The following TUSC3 variants were observed in gnomAD, a reference collection of about 807,000 sequenced individuals.
TUSC3 encodes dolichyl-diphosphooligosaccharide--protein glycosyltransferase subunit TUSC3.
In TUSC3, 45 loss-of-function variants were observed where a neutral mutation model predicts 44.8. The observed-to-expected ratio is 1.00, with a 90% CI of 0.79 to 1.29. The LOEUF (loss-of-function observed/expected upper bound fraction) is 1.29, where lower values mean the gene tolerates loss of function less well. Among genes scored for constraint, TUSC3 ranks in the 50% most tolerant of loss-of-function variants. The pLI is 0.00. For missense variants in TUSC3, 519 were observed against 437.9 expected (o/e 1.19, Z -1.65); for synonymous variants, 212 against 152.9 (o/e 1.39, Z -2.85).
intron 1 of TUSC3, among the ~76,000 whole-genome samples, chr8:15,420,759 C>T (rs570797864): frequency 2.2e-4 from 33 of 152,202 alleles, no homozygotes; most frequent in Admixed American, 2.0e-4. Context: ...CAGTGGTGTT[C>T]CCTGTCTCTT....
the TUSC3 span, among the ~76,000 whole-genome samples, chr8:15,793,822 C>G: frequency 6.6e-6 from 1 of 152,156 alleles, no homozygotes; most frequent in African/African-American, 2.4e-5. Context: ...TGAATGCATG[C>G]AAGCATAACT....
At chr8:15,688,158 G>A (rs1230576221) in intron 6 of TUSC3, among the ~76,000 whole-genome samples, 3 of 151,814 alleles carry the variant, frequency 2.0e-5, no homozygotes, top group Non-Finnish European at 4.4e-5. Flanking sequence ...AAAAACCAAA[G>A]ATATTATTTT....
chr8:15,699,874 G>A (rs763392269), intron 6 of TUSC3, among the ~76,000 whole-genome samples: 4 of 152,132 alleles, frequency 2.6e-5, no homozygotes, highest in African/African-American at 4.8e-5. Flanking sequence ...AAGTGCTATA[G>A]AAGGAAGAAT....
intron 3 of TUSC3, among the ~76,000 whole-genome samples, chr8:15,657,367 C>A (rs1807220377): frequency 6.6e-6 from 1 of 152,194 alleles, no homozygotes; most frequent in African/African-American, 2.4e-5. Context: ...GATATCTCTT[C>A]TGCCAGATAT....
chr8:15,496,691 G>A (rs1800884768), intron 2 of TUSC3, among the ~76,000 whole-genome samples: 2 of 152,150 alleles, frequency 1.3e-5, no homozygotes, highest in Admixed American at 1.3e-4. Flanking sequence ...TGTCTTGGAT[G>A]GAAGAAGCAT....
intron 1 of TUSC3, among the ~76,000 whole-genome samples, chr8:15,550,046 C>G (rs1043837481): frequency 6.6e-6 from 1 of 151,664 alleles, no homozygotes; most frequent in Non-Finnish European, 1.5e-5. Flanking sequence ...GGGTACGTGA[C>G]TGGGGGCTGC....
chr8:15,639,116 C>G (rs111375498), intron 2 of TUSC3, among the ~76,000 whole-genome samples: 1 of 111,288 alleles, frequency 9.0e-6, no homozygotes, highest in African/African-American at 3.6e-5. Flanking sequence ...GATCATGTGT[C>G]GATGCTAGAT....
At chr8:15,582,526 A>C (rs183810317) in intron 1 of TUSC3, among the ~76,000 whole-genome samples, 1 of 152,254 alleles carries the variant, frequency 6.6e-6, no homozygotes, top group Non-Finnish European at 1.5e-5. Context: ...AATGGCAGTT[A>C]AAAATTAAAG....
chr8:15,512,870 G>GTA lies in TUSC3; in HGVS notation n.189+29388_189+29389insAT, dbSNP rs371387088. Among the ~76,000 whole-genome samples, 422 of 101,200 alleles carry GTA rather than the reference G, an allele frequency of 4.2e-3. 13 individuals are homozygous for GTA. Among genetic ancestry groups the GTA allele is most frequent in the East Asian group, 0.034 (95 of 2,774 alleles). The allele number at this position is 101,200 out of a possible 152,430, so 66.4% of individuals were successfully genotyped here. A position where few individuals can be genotyped will look rare whatever the true frequency, so the allele number is the denominator to read the frequency against. On this transcript the variant is annotated intron_variant and non_coding_transcript_variant, in intron 2 of 5. Coordinates refer to the TUSC3 transcript ENST00000503191. ...TGTGTGTGTGTGTATATATATGTGT[G>GTA]TGTATATATATATATACACACAATT...
chr8:15,734,508 G>C (rs562962578), intron 7 of TUSC3, among the ~76,000 whole-genome samples: 4 of 151,992 alleles, frequency 2.6e-5, no homozygotes, highest in South Asian at 4.2e-4. Context: ...AACTTACATA[G>C]GGCTTTATAT....
intron 1 of TUSC3, among the ~76,000 whole-genome samples, chr8:15,462,433 T>C (rs891414267): frequency 1.3e-5 from 2 of 152,066 alleles, no homozygotes; most frequent in African/African-American, 2.4e-5. Flanking sequence ...CTGACACTCA[T>C]AGACTAAAGG....
the TUSC3 span, among the ~76,000 whole-genome samples, chr8:15,789,089 C>T: frequency 6.6e-6 from 1 of 152,210 alleles, no homozygotes; most frequent in African/African-American, 2.4e-5. Context: ...GTCATTCAAG[C>T]ATGCCCATGA....
the TUSC3 span, among the ~76,000 whole-genome samples, chr8:15,805,120 T>G: frequency 5.6e-3 from 850 of 152,290 alleles, 7 homozygotes; most frequent in African/African-American, 0.019. Flanking sequence ...GTTCCTGATT[T>G]GGTTCTGGGC....
At chr8:15,655,888 A>G (rs1304712216) in intron 3 of TUSC3, among the ~76,000 whole-genome samples, 1 of 152,186 alleles carries the variant, frequency 6.6e-6, no homozygotes, top group African/African-American at 2.4e-5. Context: ...TAAGTTGGTT[A>G]AATCTAAATT....
At chr8:15,683,526 G>A (rs1050879309) in intron 6 of TUSC3, among the ~76,000 whole-genome samples, 10 of 151,878 alleles carry the variant, frequency 6.6e-5, no homozygotes, top group African/African-American at 2.4e-4. Context: ...TATCTTTGTT[G>A]TATTTCAAAT....
intron 5 of TUSC3, among the ~76,000 whole-genome samples, chr8:15,662,986 C>T (rs1807492268): frequency 6.6e-6 from 1 of 151,832 alleles, no homozygotes; most frequent in South Asian, 2.1e-4. Context: ...CAGAGAACTA[C>T]AGTTGTGTGG....
chr8:15,821,398 G>A, the TUSC3 span, among the ~76,000 whole-genome samples: 2 of 134,788 alleles, frequency 1.5e-5, no homozygotes, highest in Non-Finnish European at 3.2e-5. Flanking sequence ...AGTCCTGTTT[G>A]TGGTTTGCTG....
intron 7 of TUSC3, among the ~76,000 whole-genome samples, chr8:15,737,280 T>TTATC (rs533654472): frequency 1.6e-4 from 24 of 152,304 alleles, no homozygotes; most frequent in African/African-American, 5.8e-4. Context: ...CTATTTACAT[T>TTATC]TATCTATCTT....
intron 1 of TUSC3, among the ~76,000 whole-genome samples, chr8:15,576,144 T>A (rs989866208): frequency 1.3e-5 from 2 of 151,608 alleles, no homozygotes; most frequent in African/African-American, 4.8e-5. Flanking sequence ...AGTTTTTGAA[T>A]GATGTGTGCA....
Sources: allele counts gnomAD v4.1 joint callset (sites outside exome capture counted in the v4.1 genomes callset), GRCh38; gene constraint gnomAD v4.1.1; transcripts MANE v1.5; gene names NCBI Gene and HGNC (gene_info 2026-07-23, HGNC 2026-07-21).